The following DNAL1 variants were observed in gnomAD, a reference collection of about 807,000 sequenced individuals.
DNAL1 encodes the protein dynein axonemal light chain 1, also known as chromosome 14 open reading frame 168.
A neutral mutation model predicts 29.4 loss-of-function variants in DNAL1; 17 were observed. That is an observed-to-expected ratio of 0.58 (90% CI 0.40 to 0.87). DNAL1 has a LOEUF of 0.87. Among genes scored for constraint, DNAL1 ranks in the 40% least tolerant of loss-of-function variants. DNAL1 has a pLI of 0.00. For synonymous variants in DNAL1, 78 were observed against 76.3 expected (o/e 1.02, Z -0.12); for missense variants, 188 against 214.1 (o/e 0.88, Z 0.76).
At chr14:73,677,884 T>TATTTG (rs1555402397) in intron 5 of DNAL1, among the ~76,000 whole-genome samples, 14 of 96,130 alleles carry the variant, frequency 1.5e-4, no homozygotes, top group South Asian at 1.3e-3. Context: ...ATATATATAT[T>TATTTG]TGTGTGTGTG....
In DNAL1 at chr14:73,700,523, A is replaced by G. The variant is rs1050190169; in HGVS notation, c.*4581A>G. Reference sequence around the variant, plus strand: ...TTGGTGATGTGTAAAGAGAGTTGGAATCTTCTACCTGGGTTTTTCTCAGGG... The same window carrying G: ...TTGGTGATGTGTAAAGAGAGTTGGAGTCTTCTACCTGGGTTTTTCTCAGGG... On this transcript the variant is annotated 3_prime_UTR_variant, in exon 8 of 8. Coordinates refer to ENST00000553645, the MANE Select transcript of DNAL1 (RefSeq NM_031427.4). 2.6e-5 allele frequency: 4 copies of G among 152,194 alleles called. No individual in the cohort carries two copies. The highest frequency in any genetic ancestry group is 5.9e-5 in the Non-Finnish European group (4 of 68,042). The allele number at this position is 152,194 out of a possible 1,614,324, so 9.4% of individuals were successfully genotyped here.
intron 1 of DNAL1, among the ~76,000 whole-genome samples, chr14:73,654,375 A>G (rs539543164): frequency 6.6e-6 from 1 of 152,340 alleles, no homozygotes; most frequent in South Asian, 2.1e-4. Context: ...CTCTTTGCAT[A>G]TAAAGTCTCA....
intron 7 of DNAL1, among the ~76,000 whole-genome samples, chr14:73,694,184 T>A (rs556755917): frequency 1.3e-5 from 2 of 151,190 alleles, no homozygotes. Context: ...GGCATGAAGA[T>A]CCTTTGAGCC....
intron 7 of DNAL1, among the ~76,000 whole-genome samples, chr14:73,691,241 AAGT>A (rs1314219424): frequency 2.6e-5 from 4 of 151,816 alleles, no homozygotes; most frequent in Admixed American, 6.5e-5. Flanking sequence ...GCTTAACATA[AAGT>A]AAGTATTCAA....
rs1891614255 is a variant in DNAL1 at position 73,671,524 on chromosome 14, G to A, written c.209-18G>A. On this transcript the variant is annotated intron_variant, in intron 4 of 7. Transcript: ENST00000553645. ...ATATGATTCTAGTAAACAAAAAAATGTTTTCTTTTCACTACAGAAAACTTG... is the reference window on the plus strand; with the variant it reads ...ATATGATTCTAGTAAACAAAAAAATATTTTCTTTTCACTACAGAAAACTTG... 1.4e-6 allele frequency: 2 copies of A among 1,444,210 alleles called. No homozygotes were observed. The highest frequency in any genetic ancestry group is 2.7e-5 in the Admixed American group (1 of 37,578). 89.5% of individuals were successfully genotyped at this position (1,444,210 alleles called of 1,614,324 possible). A position where few individuals can be genotyped will look rare whatever the true frequency, so the allele number is the denominator to read the frequency against.
chr14:73,678,689 C>G (rs1175768419), intron 5 of DNAL1, among the ~76,000 whole-genome samples: 1 of 151,998 alleles, frequency 6.6e-6, no homozygotes, highest in East Asian at 1.9e-4. Flanking sequence ...GTTTTTCATA[C>G]ATGGACAAAG....
At chr14:73,694,695 T>C (rs1892261171) in intron 7 of DNAL1, among the ~76,000 whole-genome samples, 1 of 151,596 alleles carries the variant, frequency 6.6e-6, no homozygotes. Context: ...TAGAAAACTT[T>C]TTTTTTTTTT....
At chr14:73,658,739 C>G (rs1418828311) in intron 2 of DNAL1, 108 bp from the exon 3 acceptor site, 1 of 733,824 alleles carries the variant, frequency 1.4e-6, no homozygotes, top group Non-Finnish European at 2.2e-6. Flanking sequence ...TTGCTAAATT[C>G]TAGCAATTGT....
chr14:73,645,294 C>G (rs1278873807), intron 1 of DNAL1, among the ~76,000 whole-genome samples: 1 of 151,380 alleles, frequency 6.6e-6, no homozygotes, highest in African/African-American at 2.4e-5. Flanking sequence ...AAAGGGAGGG[C>G]GAAGAGCAGG....
chr14:73,665,592 A>G (rs1566883367), intron 4 of DNAL1, among the ~76,000 whole-genome samples: 1 of 152,220 alleles, frequency 6.6e-6, no homozygotes, highest in East Asian at 1.9e-4. Context: ...GGAGTTTGAG[A>G]TCAGCCTGGC....
intron 1 of DNAL1, among the ~76,000 whole-genome samples, chr14:73,647,364 CAAAA>C (rs199974495): frequency 1.1e-5 from 1 of 92,750 alleles, no homozygotes; most frequent in Non-Finnish European, 2.0e-5. Flanking sequence ...GACTCTGTCT[CAAAA>C]AAAAAAAAAA....
intron 4 of DNAL1, among the ~76,000 whole-genome samples, chr14:73,668,916 A>G (rs7158217): frequency 0.073 from 11,134 of 151,846 alleles, 995 homozygotes; most frequent in African/African-American, 0.22. Flanking sequence ...GCCTCAAGTG[A>G]TCCACCCGCC....
chr14:73,657,009 C>T (rs1353683078), intron 2 of DNAL1, among the ~76,000 whole-genome samples: 8 of 151,846 alleles, frequency 5.3e-5, no homozygotes, highest in Non-Finnish European at 7.4e-5. Context: ...GTCTCAAACT[C>T]CTGAGCTCAA....
At chr14:73,645,789 G>T (rs546213779) in intron 1 of DNAL1, among the ~76,000 whole-genome samples, 1 of 152,328 alleles carries the variant, frequency 6.6e-6, no homozygotes, top group South Asian at 2.1e-4. Flanking sequence ...GTTTTACCTA[G>T]AGATGCTCCT....
rs76167470 is a variant in DNAL1 at position 73,691,163 on chromosome 14, A to G, written c.532+1648A>G. 5.2e-4 allele frequency among the ~76,000 whole-genome samples: 79 copies of G among 152,362 alleles called. No homozygotes were observed. In the East Asian group the frequency reaches 0.013, roughly 25 times the overall value. ...TCAGAACATATATCAGAGTATTATTATGAGGATTAAATAAAATAATCTATG... is the reference window on the plus strand; with the variant it reads ...TCAGAACATATATCAGAGTATTATTGTGAGGATTAAATAAAATAATCTATG... On this transcript the variant is annotated intron_variant, in intron 7 of 7. Coordinates refer to ENST00000553645, the MANE Select transcript of DNAL1 (RefSeq NM_031427.4).
intron 5 of DNAL1, among the ~76,000 whole-genome samples, chr14:73,681,279 G>A (rs1282877570): frequency 6.6e-6 from 1 of 151,596 alleles, no homozygotes; most frequent in African/African-American, 2.4e-5. Context: ...GATTACAGGA[G>A]CCCACCACCA....
At chr14:73,689,284 G>C (rs564756513) in intron 6 of DNAL1, 91 bp from the exon 7 acceptor site, 2 of 1,460,100 alleles carry the variant, frequency 1.4e-6, no homozygotes, top group East Asian at 5.0e-5. Context: ...CGCCCGCCTT[G>C]TCCCCCCAAA....
intron 4 of DNAL1, among the ~76,000 whole-genome samples, chr14:73,670,685 T>C (rs992205867): frequency 3.3e-5 from 5 of 151,758 alleles, no homozygotes; most frequent in African/African-American, 1.2e-4. Context: ...AGAAATAACC[T>C]TTAAAAAATA....
At chr14:73,664,672 C>A (rs1043008659) in intron 4 of DNAL1, among the ~76,000 whole-genome samples, 3 of 151,964 alleles carry the variant, frequency 2.0e-5, no homozygotes, top group African/African-American at 7.3e-5. Flanking sequence ...AGTTCGAGAC[C>A]AGCCTGGGCA....
Sources: gnomAD v4.1 joint callset for allele counts (sites outside exome capture counted in the v4.1 genomes callset) on GRCh38, gnomAD v4.1.1 for gene constraint, MANE v1.5 for transcripts, NCBI Gene and HGNC (gene_info 2026-07-23, HGNC 2026-07-21) for gene names.